The following KIAA1210 variants were observed in gnomAD, a reference collection of about 807,000 sequenced individuals.
The protein encoded by KIAA1210 is acrosomal protein KIAA1210.
A neutral mutation model predicts 78.9 loss-of-function variants in KIAA1210; 48 were observed. The observed-to-expected ratio is 0.61, with a 90% CI of 0.48 to 0.77. The LOEUF (loss-of-function observed/expected upper bound fraction) is 0.77, where lower values mean the gene tolerates loss of function less well. Among genes scored for constraint, KIAA1210 ranks in the 30% least tolerant of loss-of-function variants. The pLI, the probability that KIAA1210 is intolerant of heterozygous loss-of-function variation, is 0.00. For missense variants in KIAA1210, 1,108 were observed against 1,100.0 expected, an observed-to-expected ratio of 1.01 and a Z score of -0.10; for synonymous variants, 406 against 404.5, an observed-to-expected ratio of 1.00 and a Z score of -0.04.
At chrX:119,102,726 C>T (rs1927772111) in intron 6 of KIAA1210, among the ~76,000 whole-genome samples, 1 of 111,696 alleles carries the variant, frequency 9.0e-6, no homozygotes, top group African/African-American at 3.2e-5. Context: ...ATGTTAAATG[C>T]CAGCATTTAT....
Position 119,088,027 on chromosome X carries a change from C to A in KIAA1210, c.2675G>T (p.Ser892Ile), listed in dbSNP as rs748922708. Reference sequence around the variant, plus strand: ...AGGACTGCTCCATTCTGCAGAAGTACTCATTGAGTCCAGGAACTTAGGCCT... The same window carrying A: ...AGGACTGCTCCATTCTGCAGAAGTAATCATTGAGTCCAGGAACTTAGGCCT... ...SERPKFLDSM[S>I]TSAEWSSPVA... Residue 892 changes from serine to isoleucine, a missense_variant, in exon 9 of 12, where the codon AGT becomes ATT. Around this residue, in one of 5 missense-constraint regions of KIAA1210, gnomAD observed 179 missense variants for 174.1 expected, o/e 1.03. Coordinates refer to ENST00000691062, the MANE Select transcript of KIAA1210 (RefSeq NM_001394962.1). 1.2e-5 allele frequency: 15 copies of A among 1,211,152 alleles called. No individual in the cohort carries two copies. The South Asian group carries it at 2.5e-4, about 20-fold the overall frequency.
At chrX:119,119,613 G>A (rs1175772307) in intron 2 of KIAA1210, among the ~76,000 whole-genome samples, 2 of 112,313 alleles carry the variant, frequency 1.8e-5, no homozygotes, top group Admixed American at 1.9e-4. Flanking sequence ...GGGAAGCCAA[G>A]GCAGGAGGAT....
chrX:119,116,778 A>G (rs1373291280), intron 2 of KIAA1210, 114 bp from the exon 3 acceptor site: 2 of 657,849 alleles, frequency 3.0e-6, no homozygotes, highest in Non-Finnish European at 4.5e-6. Context: ...GGTGTCCTGC[A>G]GAGCTTGGAC....
chrX:119,086,712 GC>G lies in KIAA1210; in HGVS notation c.3989del (p.Gly1330AlafsTer7). 1 of 1,211,416 alleles carries G rather than the reference GC, an allele frequency of 8.3e-7. No homozygotes were observed. Among genetic ancestry groups the G allele is most frequent in the Non-Finnish European group, 1.1e-6 (1 of 895,352 alleles). The part of the protein sequence containing the change: ...NFTQLASVPS[G>X]PISSSVGRGH... ...CCCTGCCTACAGAGGATGAAATTGG[GC>G]CCGAGGGCACTGAAGCAAGCTGGGT... On this transcript the variant is annotated frameshift_variant, in exon 9 of 12. Transcript: ENST00000691062. LOFTEE classifies it high-confidence loss of function.
In KIAA1210 at chrX:119,079,059, T is replaced by C. The variant is rs886847076; in HGVS notation, c.*2270A>G. On this transcript the variant is annotated 3_prime_UTR_variant, in exon 12 of 12. Coordinates refer to ENST00000691062, the MANE Select transcript of KIAA1210 (RefSeq NM_001394962.1). The stretch of plus-strand genomic sequence containing the variant: ...GGAAATAAAATTCACTCAATCAAAA[T>C]AGCATTATCAAAATGGCAAAGGCAC... 3.6e-5 allele frequency: 4 copies of C among 112,636 alleles called. No individual in the cohort carries two copies. Among genetic ancestry groups the C allele is most frequent in the African/African-American group, 1.3e-4 (4 of 30,987 alleles). The allele number at this position is 112,636 out of a possible 1,213,427, so 9.3% of individuals were successfully genotyped here. A position where few individuals can be genotyped will look rare whatever the true frequency, so the allele number is the denominator to read the frequency against.
chrX:119,148,148 A>G (rs1929212576), intron 1 of KIAA1210, among the ~76,000 whole-genome samples: 1 of 111,057 alleles, frequency 9.0e-6, no homozygotes, highest in Non-Finnish European at 1.9e-5. Flanking sequence ...TTCAAAAACA[A>G]CAACAACAAA....
chrX:119,114,846 T>C (rs1317869000), intron 3 of KIAA1210, among the ~76,000 whole-genome samples: 1 of 112,289 alleles, frequency 8.9e-6, no homozygotes, highest in Admixed American at 9.5e-5. Context: ...CTCATTGATC[T>C]GTTCCCTGGA....
At chrX:119,092,431 TCTATC>T (rs1202227605) in intron 8 of KIAA1210, among the ~76,000 whole-genome samples, 1 of 111,921 alleles carries the variant, frequency 8.9e-6, no homozygotes, top group Non-Finnish European at 1.9e-5. Context: ...CTGACTCAGT[TCTATC>T]CTCTGTGTGT....
At chrX:119,130,704 C>T (rs1289932349), upstream of KIAA1210, among the ~76,000 whole-genome samples, 1 of 112,331 alleles carries the variant, frequency 8.9e-6, no homozygotes, top group Non-Finnish European at 1.9e-5. Flanking sequence ...CATGAAAAAG[C>T]TGGCAAACCG....
At chrX:119,131,349 C>T (rs887944183), upstream of KIAA1210, among the ~76,000 whole-genome samples, 2 of 111,055 alleles carry the variant, frequency 1.8e-5, no homozygotes, top group East Asian at 2.8e-4. Context: ...ACATTGCGTG[C>T]GCATGGACAT....
rs1464450084 is a variant in KIAA1210, at chrX:119,081,179, G to A, written c.*150C>T. The A allele has an allele frequency of 1.1e-5, 4 of 375,006 alleles. No individual in the cohort carries two copies. Among genetic ancestry groups the A allele is most frequent in the Admixed American group, 5.6e-5 (1 of 17,765 alleles). The allele number at this position is 375,006 out of a possible 1,213,427, so 30.9% of individuals were successfully genotyped here. A position where few individuals can be genotyped will look rare whatever the true frequency, so the allele number is the denominator to read the frequency against. ...CTAGTCGGGAGACTGAGGCGGGAGA[G>A]TGGCGTGAACCCGGGAGGCGGAGCT... On this transcript the variant is annotated 3_prime_UTR_variant, in exon 12 of 12. Transcript: ENST00000691062.
chrX:119,095,412 A>G (rs146585863), intron 7 of KIAA1210, among the ~76,000 whole-genome samples: 1,357 of 111,078 alleles, frequency 0.012, 18 homozygotes, highest in African/African-American at 0.042. Flanking sequence ...TTTTTTTTAA[A>G]CGGAGTTTTG....
At chrX:119,093,977 C>T in intron 7 of KIAA1210, 5 of 1,099,613 alleles carry the variant, frequency 4.5e-6, no homozygotes, top group Non-Finnish European at 6.3e-6. Flanking sequence ...CCTTGGGGAT[C>T]ATTTTACCTA....
intron 2 of KIAA1210, among the ~76,000 whole-genome samples, chrX:119,133,005 G>A (rs1928829919): frequency 9.0e-6 from 1 of 111,240 alleles, no homozygotes; most frequent in South Asian, 3.8e-4. Flanking sequence ...TGGCTAAAGA[G>A]CCCTGGAGTT....
At chrX:119,083,728 C>T (rs191575098) in intron 10 of KIAA1210, among the ~76,000 whole-genome samples, 14 of 111,012 alleles carry the variant, frequency 1.3e-4, no homozygotes, top group African/African-American at 3.9e-4. Context: ...GAGCAGTGGC[C>T]TATAATCCCA....
At position 119,116,618 on chromosome X, in the gene KIAA1210, C is replaced by T. The variant is rs770536199; in HGVS notation, c.108G>A (p.Lys36=). Residue 36 remains lysine (K), a synonymous_variant, in exon 3 of 12, where the codon AAG becomes AAA. Coordinates refer to ENST00000691062, the MANE Select transcript of KIAA1210 (RefSeq NM_001394962.1). ...KFKALKSFFV[K]KKEKEAEDTQ... ...TATCTTCGGCTTCTTTTTCCTTCTT[C>T]TTAACAAAAAAGCTCTTAAGGGCTT... The T allele has an allele frequency of 8.3e-7, 1 of 1,207,273 alleles. No homozygotes were observed. Among genetic ancestry groups the T allele is most frequent in the Non-Finnish European group, 1.1e-6 (1 of 892,718 alleles).
chrX:119,129,155 G>A (rs1156245283), upstream of KIAA1210, among the ~76,000 whole-genome samples: 1 of 111,880 alleles, frequency 8.9e-6, no homozygotes, highest in Non-Finnish European at 1.9e-5. Flanking sequence ...GAATGAAAGA[G>A]GCAAAAGATT....
At position 119,096,542 on chromosome X, in the gene KIAA1210, GT is replaced by G; in HGVS notation, c.797del (p.His266ProfsTer3). Reference sequence around the variant, plus strand: ...GTTTGCGGGGATTTAAAGTCATTTTGTGGCGAGCAGCTGAAGAATCCAAACA... The same window carrying G: ...GTTTGCGGGGATTTAAAGTCATTTTGGGCGAGCAGCTGAAGAATCCAAACA... ...QGCLDSSAAR[H>X]KMTLNPRKQK... is the part of the protein sequence containing the mutation. On this transcript the variant is annotated frameshift_variant, in exon 7 of 12. Coordinates refer to ENST00000691062, the MANE Select transcript of KIAA1210 (RefSeq NM_001394962.1). LOFTEE classifies it high-confidence loss of function. The G allele has an allele frequency of 8.3e-7, 1 of 1,210,987 alleles. No homozygotes were observed. Among genetic ancestry groups the G allele is most frequent in the East Asian group, 3.0e-5 (1 of 33,846 alleles).
Position 119,147,152 on chromosome X carries a change from G to A in KIAA1210, c.410+321C>T, listed in dbSNP as rs753138353. Among the ~76,000 whole-genome samples the A allele has an allele frequency of 3.6e-5, 4 of 110,989 alleles. No individual in the cohort carries two copies. In the South Asian group the frequency reaches 1.6e-3, roughly 44 times the overall value. ...CAGCTAGGTATGCCGCAAGGTCTCG[G>A]GTTCCGGAGAACTGGTTGCAGATGC... On this transcript the variant is annotated intron_variant, in intron 2 of 13. Coordinates refer to the KIAA1210 transcript ENST00000402510.
Sources: gnomAD v4.1 joint callset for allele counts (sites outside exome capture counted in the v4.1 genomes callset) on GRCh38, gnomAD v4.1.1 for gene constraint, gnomAD v4.1.1 regional missense constraint, MANE v1.5 for transcripts, NCBI Gene and HGNC (gene_info 2026-07-23, HGNC 2026-07-21) for gene names.